RASGEF1C: variants seen among roughly 807,000 people sequenced by gnomAD.
RASGEF1C encodes ras-GEF domain-containing family member 1C.
Under a neutral mutation model 58.1 loss-of-function variants are expected in RASGEF1C, and 27 were observed. The observed-to-expected ratio is 0.46, with a 90% CI of 0.34 to 0.64. RASGEF1C has a LOEUF of 0.64. RASGEF1C is among the 30% of genes least tolerant of loss of function. The pLI is 0.01. For synonymous variants in RASGEF1C, 243 were observed against 246.3 expected, an observed-to-expected ratio of 0.99 and a Z score of 0.13; for missense variants, 502 against 605.1, an observed-to-expected ratio of 0.83 and a Z score of 1.79.
At chr5:180,167,295 C>T (rs937484241) in intron 1 of RASGEF1C, among the ~76,000 whole-genome samples, 3 of 152,136 alleles carry the variant, frequency 2.0e-5, no homozygotes, top group South Asian at 2.1e-4. Flanking sequence ...TGGATAATTT[C>T]TGTGGAACTA....
intron 1 of RASGEF1C, among the ~76,000 whole-genome samples, chr5:180,173,924 A>C (rs199826893): frequency 8.1e-6 from 1 of 123,744 alleles, no homozygotes; most frequent in Non-Finnish European, 1.8e-5. Flanking sequence ...ACAACCACCA[A>C]AAAAAAAAAA....
intron 1 of RASGEF1C, among the ~76,000 whole-genome samples, chr5:180,152,243 C>T (rs1262352735): frequency 6.6e-6 from 1 of 152,152 alleles, no homozygotes; most frequent in Non-Finnish European, 1.5e-5. Context: ...GGTTATAAAT[C>T]ATGCTGCTAT....
At chr5:180,157,525 G>A (rs6887576) in intron 1 of RASGEF1C, among the ~76,000 whole-genome samples, 16,533 of 151,792 alleles carry the variant, frequency 0.11, 1,057 homozygotes, top group African/African-American at 0.18. Flanking sequence ...TACTTGGGAG[G>A]CTGAGGCAGG....
chr5:180,131,050 A>G (rs10055751), intron 4 of RASGEF1C, among the ~76,000 whole-genome samples: 2,233 of 151,818 alleles, frequency 0.015, 55 homozygotes, highest in African/African-American at 0.051. Flanking sequence ...ATTTCTGCGC[A>G]TCCCACCACT....
intron 1 of RASGEF1C, among the ~76,000 whole-genome samples, chr5:180,201,253 G>C (rs1756390630): frequency 2.6e-5 from 4 of 152,186 alleles, no homozygotes; most frequent in Admixed American, 2.0e-4. Context: ...CTAGGGGCCA[G>C]GCATGTGGCC....
intron 6 of RASGEF1C, among the ~76,000 whole-genome samples, chr5:180,121,784 G>A (rs1055518891): frequency 2.6e-5 from 4 of 152,062 alleles, no homozygotes; most frequent in African/African-American, 7.3e-5. Flanking sequence ...CTGTACACAC[G>A]TGTGCGGTGG....
chr5:180,109,373 T>G (rs944033928), intron 12 of RASGEF1C, among the ~76,000 whole-genome samples: 5 of 151,890 alleles, frequency 3.3e-5, no homozygotes, highest in Admixed American at 2.6e-4. Flanking sequence ...CAGGAGAATG[T>G]CGTGAACCCG....
intron 6 of RASGEF1C, among the ~76,000 whole-genome samples, chr5:180,126,214 TG>T (rs1766257184): frequency 1.3e-5 from 2 of 152,136 alleles, no homozygotes; most frequent in African/African-American, 4.8e-5. Context: ...GAGACCATCA[TG>T]GCTTACACGG....
At chr5:180,131,496 G>GC (rs145820269) in intron 4 of RASGEF1C, among the ~76,000 whole-genome samples, 130 of 152,290 alleles carry the variant, frequency 8.5e-4, no homozygotes, top group African/African-American at 3.0e-3. Flanking sequence ...AGTGCTGTGA[G>GC]CCCTTCTGCC....
intron 1 of RASGEF1C, among the ~76,000 whole-genome samples, chr5:180,194,185 C>A (rs900294300): frequency 2.6e-5 from 4 of 152,202 alleles, no homozygotes; most frequent in African/African-American, 9.6e-5. Context: ...CAGCCGAACG[C>A]GCGAGCTTGG....
At chr5:180,122,838 T>C (rs1209078331) in intron 6 of RASGEF1C, among the ~76,000 whole-genome samples, 1 of 144,780 alleles carries the variant, frequency 6.9e-6, no homozygotes, top group Non-Finnish European at 1.5e-5. Context: ...GAAGATGGAA[T>C]GGGGGACCTA....
At position 180,137,467 on chromosome 5, in the gene RASGEF1C, C is replaced by A. The variant is rs1766501582; in HGVS notation, c.300+123G>T. 3.7e-6 allele frequency: 5 copies of A among 1,367,502 alleles called. No homozygotes were observed. Among genetic ancestry groups the A allele is most frequent in the Non-Finnish European group, 4.0e-6 (4 of 997,798 alleles). The allele number at this position is 1,367,502 out of a possible 1,614,324, so 84.7% of individuals were successfully genotyped here. On this transcript the variant is annotated intron_variant, in intron 3 of 13. Coordinates refer to ENST00000361132, the MANE Select transcript of RASGEF1C (RefSeq NM_175062.4). This position sits in a 1 kb window ranked among gnomAD's most constrained non-coding sequence, Gnocchi z 4.1. ...TGGGCCTCAGACAAGGTGGAAACAC[C>A]CGGTAGCCACCTTGTCAGGAAAACG...
At chr5:180,163,253 C>CTTTTT (rs1561747791) in intron 1 of RASGEF1C, among the ~76,000 whole-genome samples, 1 of 5,058 alleles carries the variant, frequency 2.0e-4, no homozygotes, top group African/African-American at 3.3e-4. Context: ...TTTTTTTTTT[C>CTTTTT]CAGCCTATTG....
At position 180,121,066 on chromosome 5, in the gene RASGEF1C, G is replaced by C. The variant is rs754888398; in HGVS notation, c.798C>G (p.Ile266Met). Residue 266 changes from isoleucine (I) to methionine (M), a missense_variant, in exon 7 of 14, where the codon ATC becomes ATG. Coordinates refer to ENST00000361132, the MANE Select transcript of RASGEF1C (RefSeq NM_175062.4). ...NRLCYLVATE[I>M]CMPAKKKQRA... is the part of the protein sequence containing the mutation. ...ACCCTGGCTGTCTACTCACCATGCA[G>C]ATCTCAGTTGCCACCAGGTAGCACA... 97 of 1,613,060 alleles carry C rather than the reference G, an allele frequency of 6.0e-5. 1 individual carries two copies. Among genetic ancestry groups the C allele is most frequent in the Non-Finnish European group, 5.9e-6 (7 of 1,179,122 alleles).
intron 1 of RASGEF1C, among the ~76,000 whole-genome samples, chr5:180,163,157 T>C (rs924005824): frequency 1.3e-5 from 2 of 151,262 alleles, no homozygotes; most frequent in Admixed American, 6.6e-5. Flanking sequence ...AAAATTATCA[T>C]GTTGTCTGTA....
intron 1 of RASGEF1C, among the ~76,000 whole-genome samples, chr5:180,201,465 G>A (rs986215031): frequency 5.3e-5 from 8 of 152,142 alleles, no homozygotes; most frequent in African/African-American, 1.9e-4. Context: ...AACCTACTAC[G>A]GTTCCCAAGC....
At chr5:180,152,965 A>C (rs893013618) in intron 1 of RASGEF1C, among the ~76,000 whole-genome samples, 1 of 151,578 alleles carries the variant, frequency 6.6e-6, no homozygotes, top group Non-Finnish European at 1.5e-5. Context: ...TGGGATCAGC[A>C]TAAGGTATAA....
intron 1 of RASGEF1C, among the ~76,000 whole-genome samples, chr5:180,179,699 C>G (rs1308730819): frequency 6.6e-6 from 1 of 152,204 alleles, no homozygotes; most frequent in Admixed American, 6.5e-5. Context: ...TCAAGGAATA[C>G]TGAAAGGAAC....
chr5:180,190,507 AATAAT>A (rs1466720358), intron 1 of RASGEF1C, among the ~76,000 whole-genome samples: 4,278 of 97,266 alleles, frequency 0.044, 172 homozygotes, highest in Non-Finnish European at 0.064. Flanking sequence ...AAAAAAAAAA[AATAAT>A]AATAATAATA....
Sources: gnomAD v4.1 joint callset for allele counts (sites outside exome capture counted in the v4.1 genomes callset) on GRCh38, gnomAD v4.1.1 for gene constraint, Gnocchi (gnomAD v3.1) non-coding constraint, MANE v1.5 for transcripts, NCBI Gene and HGNC (gene_info 2026-07-23, HGNC 2026-07-21) for gene names.